NDFIP1: variants seen among roughly 807,000 people sequenced by gnomAD.
NDFIP1 encodes the protein NEDD4 family-interacting protein 1.
A neutral mutation model predicts 28.8 loss-of-function variants in NDFIP1; 7 were observed. That is an observed-to-expected ratio of 0.24 (90% CI 0.14 to 0.46). The LOEUF (loss-of-function observed/expected upper bound fraction) is 0.46. NDFIP1 is among the 20% of genes least tolerant of loss of function. The pLI is 0.99. For missense variants in NDFIP1, 194 were observed against 269.1 expected, an observed-to-expected ratio of 0.72 and a Z score of 1.95; for synonymous variants, 92 against 101.0, an observed-to-expected ratio of 0.91 and a Z score of 0.53.
intron 1 of NDFIP1, among the ~76,000 whole-genome samples, chr5:142,127,995 A>G (rs547406927): frequency 3.3e-5 from 5 of 152,288 alleles, no homozygotes; most frequent in African/African-American, 1.2e-4. Flanking sequence ...AAAATTGGTC[A>G]GAAATTATAT....
At chr5:142,113,737 A>G (rs531720962) in intron 1 of NDFIP1, among the ~76,000 whole-genome samples, 5 of 152,306 alleles carry the variant, frequency 3.3e-5, no homozygotes, top group African/African-American at 1.2e-4. Flanking sequence ...CAGCCCCTGG[A>G]AGCCACCATT....
chr5:142,123,307 AT>A (rs879667837), intron 1 of NDFIP1, among the ~76,000 whole-genome samples: 1 of 150,810 alleles, frequency 6.6e-6, no homozygotes, highest in Non-Finnish European at 1.5e-5. Flanking sequence ...TAAAAGAATT[AT>A]TTTTTTTAAG....
chr5:142,134,289 T>C (rs7709361), intron 3 of NDFIP1, among the ~76,000 whole-genome samples: 102,197 of 152,040 alleles, frequency 0.67, 34,661 homozygotes, highest in African/African-American at 0.77. Context: ...AGTTAGAAGG[T>C]GTTCGTAATA....
chr5:142,135,838 G>C, intron 4 of NDFIP1, 21 bp downstream of exon 4: 1 of 1,555,948 alleles, frequency 6.4e-7, no homozygotes, highest in Non-Finnish European at 8.9e-7. Flanking sequence ...ATGCATATCA[G>C]AACCACCCCC....
chr5:142,126,699 T>C (rs1230591727), intron 1 of NDFIP1, among the ~76,000 whole-genome samples: 1 of 152,212 alleles, frequency 6.6e-6, no homozygotes, highest in African/African-American at 2.4e-5. Context: ...GCTACAGTTA[T>C]AAATGTTGCC....
intron 1 of NDFIP1, among the ~76,000 whole-genome samples, chr5:142,111,161 C>A (rs954067266): frequency 2.6e-5 from 4 of 151,480 alleles, no homozygotes; most frequent in Non-Finnish European, 5.9e-5. Flanking sequence ...TACTTTTGCA[C>A]GTGTCCATGT....
intron 1 of NDFIP1, among the ~76,000 whole-genome samples, chr5:142,116,352 T>TCCTTCTTTCTCTCTCTCTCTCTCTC (rs1561597776): frequency 2.6e-5 from 3 of 116,274 alleles, no homozygotes; most frequent in African/African-American, 1.3e-4. Flanking sequence ...CCTTCCTTCT[T>TCCTTCTTTCTCTCTCTCTCTCTCTC]TCTCTCTCTC....
At chr5:142,145,225 G>A (rs1023891679) in intron 7 of NDFIP1, among the ~76,000 whole-genome samples, 2 of 152,210 alleles carry the variant, frequency 1.3e-5, no homozygotes, top group South Asian at 4.1e-4. Flanking sequence ...TCTAATGTGA[G>A]GAAGGTCAAA....
intron 7 of NDFIP1, among the ~76,000 whole-genome samples, chr5:142,150,666 C>T (rs915765450): frequency 4.7e-5 from 7 of 149,428 alleles, no homozygotes; most frequent in African/African-American, 7.4e-5. Context: ...GTGTAGGTTG[C>T]AGTGAGCCGA....
chr5:142,137,219 G>A (rs1454658797), intron 4 of NDFIP1, among the ~76,000 whole-genome samples: 2 of 152,146 alleles, frequency 1.3e-5, no homozygotes, highest in Non-Finnish European at 2.9e-5. Context: ...GGAGTGCAGT[G>A]GTGTGATCAC....
At chr5:142,111,516 CTT>C (rs942402966) in intron 1 of NDFIP1, among the ~76,000 whole-genome samples, 1 of 151,986 alleles carries the variant, frequency 6.6e-6, no homozygotes, top group Non-Finnish European at 1.5e-5. Context: ...TTTTAAAAGG[CTT>C]TTGAATTATA....
At chr5:142,140,159 A>G (rs1471060480) in intron 5 of NDFIP1, among the ~76,000 whole-genome samples, 11 of 152,160 alleles carry the variant, frequency 7.2e-5, no homozygotes, top group Non-Finnish European at 2.9e-5. Context: ...GGTAGAACAA[A>G]TAAGTCTTGC....
chr5:142,112,936 A>G (rs1301285400), intron 1 of NDFIP1, among the ~76,000 whole-genome samples: 1 of 152,152 alleles, frequency 6.6e-6, no homozygotes, highest in Non-Finnish European at 1.5e-5. Context: ...GTGCTGAGAA[A>G]CCTGTTGCGT....
chr5:142,138,955 C>T (rs1457590458), intron 5 of NDFIP1, among the ~76,000 whole-genome samples: 7 of 150,886 alleles, frequency 4.6e-5, no homozygotes, highest in Non-Finnish European at 8.8e-5. Flanking sequence ...CGGTGGCTCA[C>T]GCCTGTAATC....
At chr5:142,111,161 C>T (rs954067266) in intron 1 of NDFIP1, among the ~76,000 whole-genome samples, 2 of 151,480 alleles carry the variant, frequency 1.3e-5, no homozygotes, top group African/African-American at 2.4e-5. Flanking sequence ...TACTTTTGCA[C>T]GTGTCCATGT....
chr5:142,132,029 A>G (rs2126917820), intron 2 of NDFIP1, 134 bp downstream of exon 2: 2 of 1,062,070 alleles, frequency 1.9e-6, no homozygotes, highest in Non-Finnish European at 2.7e-6. Flanking sequence ...TAAATAATTG[A>G]GAAGTGGATA....
At chr5:142,118,292 G>A (rs550455292) in intron 1 of NDFIP1, among the ~76,000 whole-genome samples, 13 of 152,142 alleles carry the variant, frequency 8.5e-5, no homozygotes, top group Admixed American at 3.3e-4. Context: ...ACATTTAGTC[G>A]TCCTGTCTCC....
chr5:142,114,118 A>G (rs1343086920), intron 1 of NDFIP1, among the ~76,000 whole-genome samples: 1 of 152,198 alleles, frequency 6.6e-6, no homozygotes, highest in Non-Finnish European at 1.5e-5. Flanking sequence ...TAAGTTTTCG[A>G]GAAACTCCCA....
At chr5:142,116,512 G>A (rs1400656990) in intron 1 of NDFIP1, among the ~76,000 whole-genome samples, 1 of 151,892 alleles carries the variant, frequency 6.6e-6, no homozygotes, top group Non-Finnish European at 1.5e-5. Context: ...GGGACTACAG[G>A]TGCCCGCCAG....
Sources: gnomAD v4.1 joint callset for allele counts (sites outside exome capture counted in the v4.1 genomes callset) on GRCh38, gnomAD v4.1.1 for gene constraint, MANE v1.5 for transcripts, NCBI Gene and HGNC (gene_info 2026-07-23, HGNC 2026-07-21) for gene names.